MMP20: variants seen among roughly 807,000 people sequenced by gnomAD.
MMP20 encodes the protein matrix metallopeptidase 20, also known as matrix metalloproteinase-20.
MMP20 carries 50 observed loss-of-function variants against 51.8 expected under a neutral mutation model. That is an observed-to-expected ratio of 0.97 (90% confidence interval 0.77 to 1.22). MMP20 has a LOEUF of 1.22. MMP20 is among the 50% of genes most tolerant of loss of function. The pLI, the probability that MMP20 is intolerant of heterozygous loss-of-function variation, is 0.00. For missense variants in MMP20, 663 were observed against 601.4 expected (o/e 1.10, Z -1.07); for synonymous variants, 244 against 216.2 (o/e 1.13, Z -1.13).
At position 102,609,925 on chromosome 11, in the gene MMP20, T is replaced by C; in HGVS notation, c.629A>G (p.Lys210Arg). Residue 210 changes from lysine to arginine, a missense_variant, in exon 4 of 10, where the codon AAG (lysine) becomes AGG (arginine). Lys to Arg is a conservative substitution (Grantham distance 26). Coordinates refer to ENST00000260228, the MANE Select transcript of MMP20 (RefSeq NM_004771.4). ...TATACCATTCGTTCCCATAGTCCAC[T>C]TCTCAGCATTGTCGAAATGTGTATC... ...GGDTHFDNAE[K>R]WTMGTNGFNL... 1 of 1,614,208 alleles carries C rather than the reference T, an allele frequency of 6.2e-7. No homozygotes were observed. The highest frequency in any genetic ancestry group is 8.5e-7 in the Non-Finnish European group (1 of 1,180,038).
chr11:102,606,671 G>C lies in MMP20; in HGVS notation c.817C>G (p.Arg273Gly), dbSNP rs538994781. 6.2e-7 allele frequency: 1 copy of C among 1,613,960 alleles called. No homozygotes were observed. Among genetic ancestry groups the C allele is most frequent in the Non-Finnish European group, 8.5e-7 (1 of 1,179,886 alleles). ...GTGGGCTTCCCCAGGAATACTTTCC[G>C]AGGTCCTAGGATTCAAAATGAGTTG... The part of the protein sequence containing the change: ...VKGIQALYGP[R>G]KVFLGKPTLP... The change falls in exon 6 of 10, where the codon CGG becomes GGG. Residue 273 changes from arginine (R) to glycine (G), a missense_variant. Arg to Gly is a moderately radical substitution (Grantham distance 125). Transcript: ENST00000260228.
At chr11:102,618,577 A>G (rs1859705416) in intron 1 of MMP20, among the ~76,000 whole-genome samples, 1 of 152,036 alleles carries the variant, frequency 6.6e-6, no homozygotes, top group Admixed American at 6.6e-5. Flanking sequence ...ATGGTATGAA[A>G]GAATGCTCTT....
chr11:102,594,999 G>A (rs1859365420), intron 6 of MMP20, among the ~76,000 whole-genome samples: 1 of 151,094 alleles, frequency 6.6e-6, no homozygotes, highest in Non-Finnish European at 1.5e-5. Flanking sequence ...TCGGCTCACT[G>A]CAACCTCCAC....
In MMP20 at chr11:102,625,233, G is replaced by A; in HGVS notation, c.87C>T (p.Ala29=). ...FSTAAPSLVA[A]SPRTWRNNYR... ...AGTTGTTCCTCCAGGTCCTGGGGGA[G>A]GCTGCAACTAGGGAGGGGGCTGCAG... The change falls in exon 1 of 10, where the codon GCC becomes GCT. Residue 29 remains alanine, a synonymous_variant. Transcript: ENST00000260228. The A allele has an allele frequency of 6.2e-7, 1 of 1,613,952 alleles. No homozygotes were observed. The highest frequency in any genetic ancestry group is 8.5e-7 in the Non-Finnish European group (1 of 1,179,924).
At chr11:102,616,044 CAGCAGG>C (rs1859665618) in intron 2 of MMP20, among the ~76,000 whole-genome samples, 2 of 152,112 alleles carry the variant, frequency 1.3e-5, no homozygotes, top group Non-Finnish European at 1.5e-5. Context: ...ACCCTGAGCA[CAGCAGG>C]GAGGGACAGA....
intron 9 of MMP20, 130 bp downstream of exon 9, chr11:102,578,909 T>C (rs1462452397): frequency 5.7e-6 from 4 of 703,448 alleles, no homozygotes; most frequent in African/African-American, 1.8e-5. Context: ...GATAAACTTA[T>C]GAAAGGACCT....
At chr11:102,616,159 G>A (rs1037503809) in intron 2 of MMP20, among the ~76,000 whole-genome samples, 2 of 152,144 alleles carry the variant, frequency 1.3e-5, no homozygotes, top group South Asian at 4.1e-4. Context: ...GGAGCTTGGG[G>A]CTAAGAGTGG....
chr11:102,615,267 CTTAT>C (rs1463869373), intron 2 of MMP20, among the ~76,000 whole-genome samples: 3 of 145,960 alleles, frequency 2.1e-5, no homozygotes, highest in East Asian at 2.0e-4. Flanking sequence ...AAATAATATA[CTTAT>C]TTAATATAAT....
chr11:102,610,600 A>G (rs1859585681), intron 3 of MMP20, among the ~76,000 whole-genome samples: 1 of 152,244 alleles, frequency 6.6e-6, no homozygotes, highest in East Asian at 1.9e-4. Context: ...AAAGGTGTTT[A>G]TAAAATCCTA....
chr11:102,598,631 T>C (rs1784407), intron 6 of MMP20, among the ~76,000 whole-genome samples: 78,145 of 152,054 alleles, frequency 0.51, 20,637 homozygotes, highest in South Asian at 0.67. Context: ...ATTTGAGATT[T>C]GGTCTCTGAT....
intron 8 of MMP20, among the ~76,000 whole-genome samples, chr11:102,584,336 A>G (rs1859230033): frequency 6.6e-6 from 1 of 152,166 alleles, no homozygotes; most frequent in Non-Finnish European, 1.5e-5. Context: ...AGGTGTGAAG[A>G]AGTATTTCAC....
chr11:102,580,473 A>C (rs1030595537), intron 8 of MMP20, among the ~76,000 whole-genome samples: 1 of 152,212 alleles, frequency 6.6e-6, no homozygotes, highest in African/African-American at 2.4e-5. Flanking sequence ...ATGACTACAC[A>C]GGCCAGGGAT....
chr11:102,593,371 G>A, intron 8 of MMP20, 68 bp downstream of exon 8: 3 of 1,543,738 alleles, frequency 1.9e-6, no homozygotes, highest in Admixed American at 3.5e-5. Context: ...TTTCGTGGAA[G>A]GGTTTTTATC....
chr11:102,592,129 C>A (rs1414113743), intron 8 of MMP20, among the ~76,000 whole-genome samples: 1 of 152,218 alleles, frequency 6.6e-6, no homozygotes, highest in African/African-American at 2.4e-5. Context: ...CAATACCTAT[C>A]TTCCTGTATA....
intron 2 of MMP20, among the ~76,000 whole-genome samples, chr11:102,616,454 A>T (rs1331469183): frequency 6.6e-6 from 1 of 152,208 alleles, no homozygotes; most frequent in Non-Finnish European, 1.5e-5. Context: ...AATGAAATAA[A>T]TTACTTTATT....
At chr11:102,611,630 G>C in intron 3 of MMP20, 125 bp downstream of exon 3, 1 of 1,183,790 alleles carries the variant, frequency 8.4e-7, no homozygotes, top group African/African-American at 1.5e-5. Context: ...CATGGTCTTG[G>C]CCTTGGCCCA....
Position 102,609,957 on chromosome 11 carries a change from C to A in MMP20, c.597G>T (p.Leu199=), listed in dbSNP as rs147183005. The A allele has an allele frequency of 3.1e-6, 5 of 1,614,176 alleles. No individual in the cohort carries two copies. Among genetic ancestry groups the A allele is most frequent in the Non-Finnish European group, 4.2e-6 (5 of 1,180,024 alleles). The change falls in exon 4 of 10, where the codon CTG becomes CTT. Residue 199 remains leucine, a synonymous_variant. Coordinates refer to ENST00000260228, the MANE Select transcript of MMP20 (RefSeq NM_004771.4). ...CATTGTCGAAATGTGTATCTCCTCC[C>A]AGGCCTTCTCCAGGAGCAAATGCAT... ...LAHAFAPGEG[L]GGDTHFDNAE... is the part of the protein sequence containing the mutation.
At chr11:102,611,505 T>A (rs1859599268) in intron 3 of MMP20, among the ~76,000 whole-genome samples, 1 of 152,212 alleles carries the variant, frequency 6.6e-6, no homozygotes, top group African/African-American at 2.4e-5. Flanking sequence ...TGGGGCAAAG[T>A]CATAATGAAA....
intron 8 of MMP20, chr11:102,583,697 T>C (rs1859221522): frequency 6.6e-6 from 1 of 152,188 alleles, no homozygotes; most frequent in Non-Finnish European, 1.5e-5. Flanking sequence ...GTCACAGAAT[T>C]GTGCTACCAT....
Sources: allele counts gnomAD v4.1 joint callset (sites outside exome capture counted in the v4.1 genomes callset), GRCh38; gene constraint gnomAD v4.1.1; transcripts MANE v1.5; gene names NCBI Gene and HGNC (gene_info 2026-07-23, HGNC 2026-07-21).